Variants in ATXN2 observed in about 807,000 individuals in gnomAD.
ATXN2 encodes ataxin 2.
ATXN2 carries 37 observed loss-of-function variants against 138.6 expected under a neutral mutation model. The observed-to-expected ratio is 0.27, with a 90% CI of 0.21 to 0.35. The LOEUF is 0.35. Among genes scored for constraint, ATXN2 ranks in the 10% least tolerant of loss-of-function variants. ATXN2 has a pLI of 1.00. For synonymous variants in ATXN2, 549 were observed against 543.7 expected (o/e 1.01, Z -0.13); for missense variants, 1,216 against 1,480.3 (o/e 0.82, Z 2.93).
At chr12:111,486,277 T>A (rs1464961362) in intron 16 of ATXN2, among the ~76,000 whole-genome samples, 1 of 152,252 alleles carries the variant, frequency 6.6e-6, no homozygotes, top group African/African-American at 2.4e-5. Context: ...CATGTAGTAT[T>A]CGCATACAAC....
At chr12:111,585,882 C>T (rs955611384) in intron 1 of ATXN2, among the ~76,000 whole-genome samples, 4 of 147,006 alleles carry the variant, frequency 2.7e-5, no homozygotes, top group Non-Finnish European at 1.5e-5. Context: ...TTTAGTAGTT[C>T]CCATTTTAGT....
Position 111,486,917 on chromosome 12 carries a change from ATAGATT to A in ATXN2, c.2241-99_2241-94del, listed in dbSNP as rs1338781190. ...GACAATTTAAAAAAAATTGCTAAAT[ATAGATT>A]TAAACTGTTCTCACTAGAAGATCAC... is the stretch of plus-strand genomic sequence containing the variant. On this transcript the variant is annotated intron_variant, in intron 15 of 24. Transcript: ENST00000673436. 1.7e-5 allele frequency: 18 copies of A among 1,046,008 alleles called. No individual in the cohort carries two copies. In the East Asian group the frequency reaches 4.2e-4, roughly 25 times the overall value. The allele number at this position is 1,046,008 out of a possible 1,614,324, so 64.8% of individuals were successfully genotyped here.
rs1885075649 is a variant in ATXN2, at chr12:111,598,802, C to T, written c.233G>A (p.Gly78Glu). ...SSVVAATSGG[G>E]RPGLGRGRNS... Reference sequence around the variant, plus strand: ...CACCCACCTGCCCAGGCCGGGCCTCCCGCCGCCGGAGGTCGCCGCGACCAC... The same window carrying T: ...CACCCACCTGCCCAGGCCGGGCCTCTCGCCGCCGGAGGTCGCCGCGACCAC... Residue 78 changes from glycine to glutamate, a missense_variant, in exon 1 of 25, where the codon GGG (glycine) becomes GAG (glutamate). This residue lies in a region of ATXN2 where 401 missense variants were observed against 528.1 expected (regional missense o/e 0.76). Coordinates refer to ENST00000673436, the MANE Select transcript of ATXN2 (RefSeq NM_001372574.1). This position sits in a 1 kb window ranked among gnomAD's most constrained non-coding sequence, Gnocchi z 4.5. The T allele has an allele frequency of 7.2e-7, 1 of 1,398,426 alleles. No homozygotes were observed. Among genetic ancestry groups the T allele is most frequent in the Non-Finnish European group, 9.2e-7 (1 of 1,084,012 alleles). 86.6% of individuals were successfully genotyped at this position (1,398,426 alleles called of 1,614,324 possible).
At chr12:111,475,254 G>A (rs1372208440) in intron 18 of ATXN2, among the ~76,000 whole-genome samples, 1 of 146,716 alleles carries the variant, frequency 6.8e-6, no homozygotes, top group East Asian at 2.1e-4. Flanking sequence ...TGAGGCAGGA[G>A]AATTGCTTGA....
In ATXN2 at chr12:111,554,225, AT is replaced by A. The variant is rs750277375; in HGVS notation, c.289-9del. ...GATTCCATCAAAAGAAATCTGGAAT[AT>A]TAAAAAAAAAAAAAACTATTAGAAA... On this transcript the variant is annotated splice_polypyrimidine_tract_variant and intron_variant, in intron 2 of 24. Coordinates refer to ENST00000673436, the MANE Select transcript of ATXN2 (RefSeq NM_001372574.1). The A allele has an allele frequency of 1.6e-4, 220 of 1,352,886 alleles. No homozygotes were observed. Among genetic ancestry groups the A allele is most frequent in the South Asian group, 1.4e-3 (93 of 68,254 alleles). 83.8% of individuals were successfully genotyped at this position (1,352,886 alleles called of 1,614,324 possible). A position where few individuals can be genotyped will look rare whatever the true frequency, so the allele number is the denominator to read the frequency against.
rs1592944302 is a variant in ATXN2, at chr12:111,598,105, T to A, written c.251+679A>T. ...GGAGGCCACATGGAGCCCCACGATT[T>A]CAGGGGAGTTCGGGAGCCCCCGCCG... On this transcript the variant is annotated intron_variant, in intron 1 of 24. Transcript: ENST00000673436. The surrounding 1 kb of genome is among the most constrained non-coding windows in gnomAD (Gnocchi z 4.5). The A allele has an allele frequency of 9.0e-7, 1 of 1,117,142 alleles. No individual in the cohort carries two copies. Among genetic ancestry groups the A allele is most frequent in the Non-Finnish European group, 1.1e-6 (1 of 902,498 alleles). 69.2% of individuals were successfully genotyped at this position (1,117,142 alleles called of 1,614,324 possible).
intron 17 of ATXN2, among the ~76,000 whole-genome samples, 183 bp from the exon 18 acceptor site, chr12:111,485,514 C>A (rs920154625): frequency 6.6e-6 from 1 of 152,162 alleles, no homozygotes; most frequent in Non-Finnish European, 1.5e-5. Flanking sequence ...TACAGTAAAT[C>A]TAAACCATCT....
Position 111,452,252 on chromosome 12 carries a change from T to A in ATXN2, c.*560A>T, listed in dbSNP as rs576986079. 429 of 152,610 alleles carry A rather than the reference T, an allele frequency of 2.8e-3. No individual in the cohort carries two copies. The highest frequency in any genetic ancestry group is 4.4e-3 in the Non-Finnish European group (296 of 68,030). The allele number at this position is 152,610 out of a possible 1,614,324, so 9.5% of individuals were successfully genotyped here. A position where few individuals can be genotyped will look rare whatever the true frequency, so the allele number is the denominator to read the frequency against. ...CTTTTTTTATTTTTTAAATTTTTTT[T>A]AAGTTTTTATTTTATATTATCTACA... On this transcript the variant is annotated 3_prime_UTR_variant, in exon 25 of 25. Transcript: ENST00000673436.
At chr12:111,582,351 C>A (rs1334853580) in intron 1 of ATXN2, among the ~76,000 whole-genome samples, 5 of 151,490 alleles carry the variant, frequency 3.3e-5, no homozygotes, top group African/African-American at 1.2e-4. Flanking sequence ...GAGGCTGAGG[C>A]AGAACTGCTT....
intron 2 of ATXN2, 90 bp downstream of exon 2, chr12:111,555,792 AG>A: frequency 2.8e-6 from 3 of 1,073,382 alleles, no homozygotes; most frequent in Non-Finnish European, 4.1e-6. Context: ...ATTCAAAAGA[AG>A]GGAATCTTTT....
chr12:111,597,521 G>C (rs1487448728), intron 1 of ATXN2, among the ~76,000 whole-genome samples: 1 of 152,170 alleles, frequency 6.6e-6, no homozygotes, highest in African/African-American at 2.4e-5. Context: ...CGAAGTTAAG[G>C]ACACCGGCCA....
chr12:111,506,433 TTA>T (rs1329309638), intron 14 of ATXN2, among the ~76,000 whole-genome samples: 2 of 152,334 alleles, frequency 1.3e-5, no homozygotes, highest in African/African-American at 4.8e-5. Flanking sequence ...TATATGTAAA[TTA>T]TATCTCAATA....
intron 5 of ATXN2, among the ~76,000 whole-genome samples, chr12:111,551,578 T>C (rs1882123329): frequency 6.6e-6 from 1 of 152,202 alleles, no homozygotes; most frequent in African/African-American, 2.4e-5. Context: ...TACCAACCGT[T>C]CTCTACCTTT....
intron 5 of ATXN2, among the ~76,000 whole-genome samples, chr12:111,526,409 TTTTTTTTC>T (rs201122350): frequency 0.2 from 29,814 of 149,558 alleles, 2,995 homozygotes; most frequent in East Asian, 0.32. Context: ...ATCTCTTTTT[TTTTTTTTC>T]TTTTTTGAGA....
intron 1 of ATXN2, among the ~76,000 whole-genome samples, chr12:111,572,226 C>G (rs1566072186): frequency 6.6e-6 from 1 of 151,850 alleles, no homozygotes; most frequent in Non-Finnish European, 1.5e-5. Flanking sequence ...ATGGTGAAAC[C>G]CCCATCTCTA....
intron 14 of ATXN2, among the ~76,000 whole-genome samples, chr12:111,493,479 T>C (rs996716269): frequency 9.7e-5 from 11 of 113,598 alleles, no homozygotes; most frequent in African/African-American, 4.1e-4. Flanking sequence ...TAACAAACAA[T>C]AATAAATCAC....
chr12:111,459,914 A>C (rs1875436906), intron 21 of ATXN2, among the ~76,000 whole-genome samples: 1 of 151,442 alleles, frequency 6.6e-6, no homozygotes, highest in Admixed American at 6.6e-5. Flanking sequence ...ACGGGGTTTC[A>C]CCATGTTGGC....
chr12:111,485,720 C>T lies in ATXN2; in HGVS notation c.2450G>A (p.Gly817Asp). Residue 817 changes from glycine (G) to aspartate (D), a missense_variant, in exon 17 of 25, where the codon GGC becomes GAC. Around this residue, in one of 4 missense-constraint regions of ATXN2, gnomAD observed 490 missense variants for 653.5 expected, o/e 0.75. Transcript: ENST00000673436. ...TCAAATTCTATGACTTACTTGCACG[C>T]CTGGGCTCACTGGGACTGGATACAT... ...NMMYPVPVSP[G>D]VQPLYPIPMT... The T allele has an allele frequency of 6.2e-7, 1 of 1,613,906 alleles. No homozygotes were observed. Among genetic ancestry groups the T allele is most frequent in the Non-Finnish European group, 8.5e-7 (1 of 1,179,926 alleles).
chr12:111,456,331 A>G, intron 22 of ATXN2, 75 bp from the exon 23 acceptor site: 1 of 1,490,016 alleles, frequency 6.7e-7, no homozygotes, highest in Non-Finnish European at 9.3e-7. Flanking sequence ...CACAAAGCTA[A>G]GCTTTGCACA....
Sources: allele counts gnomAD v4.1 joint callset (sites outside exome capture counted in the v4.1 genomes callset), GRCh38; gene constraint gnomAD v4.1.1; regional missense constraint gnomAD v4.1.1; non-coding constraint Gnocchi (gnomAD v3.1); transcripts MANE v1.5; gene names NCBI Gene and HGNC (gene_info 2026-07-23, HGNC 2026-07-21).